The following GLT1D1 variants were observed in gnomAD, a reference collection of about 807,000 sequenced individuals.
GLT1D1 encodes the protein glycosyltransferase 1 domain-containing protein 1.
A neutral mutation model predicts 28.7 loss-of-function variants in GLT1D1; 21 were observed. The observed-to-expected ratio is 0.73, with a 90% CI of 0.52 to 1.05. The LOEUF (loss-of-function observed/expected upper bound fraction) is 1.05. Among genes scored for constraint, GLT1D1 ranks in the 50% least tolerant of loss-of-function variants. GLT1D1 has a pLI of 0.00. For missense variants in GLT1D1, 343 were observed against 330.6 expected (o/e 1.04, Z -0.29); for synonymous variants, 147 against 124.8 (o/e 1.18, Z -1.19).
intron 7 of GLT1D1, among the ~76,000 whole-genome samples, chr12:128,959,421 C>CGGGG (rs1331322937): frequency 6.0e-4 from 6 of 9,946 alleles, no homozygotes; most frequent in East Asian, 6.4e-3. Flanking sequence ...TGGGGGGGGA[C>CGGGG]GGGTGGGGAG....
At chr12:128,943,813 T>A (rs1409220686) in intron 4 of GLT1D1, among the ~76,000 whole-genome samples, 1 of 152,262 alleles carries the variant, frequency 6.6e-6, no homozygotes, top group Non-Finnish European at 1.5e-5. Flanking sequence ...TTTTATATAG[T>A]GTCTCCCCAT....
intron 7 of GLT1D1, among the ~76,000 whole-genome samples, chr12:128,972,205 G>A (rs1362311749): frequency 1.3e-5 from 2 of 152,210 alleles, no homozygotes; most frequent in Non-Finnish European, 2.9e-5. Flanking sequence ...AGCATTGGGA[G>A]ACATTATTTC....
rs11341281 is a variant in GLT1D1 at position 128,907,303 on chromosome 12, C to CT, written c.375+8036dup. Among the ~76,000 whole-genome samples, 861 of 115,728 alleles carry CT rather than the reference C, an allele frequency of 7.4e-3. 12 individuals carry two copies. Among genetic ancestry groups the CT allele is most frequent in the East Asian group, 0.027 (104 of 3,820 alleles). 75.9% of individuals were successfully genotyped at this position (115,728 alleles called of 152,430 possible). A position where few individuals can be genotyped will look rare whatever the true frequency, so the allele number is the denominator to read the frequency against. ...ATTGATCATGTCCCAGGAAGCTAAT[C>CT]TTTTTTTTTTTTTTTTTTTTGAGAC... On this transcript the variant is annotated intron_variant, in intron 4 of 7. Transcript: ENST00000281703.
At chr12:128,965,634 G>T (rs1181124992) in intron 7 of GLT1D1, among the ~76,000 whole-genome samples, 1 of 147,828 alleles carries the variant, frequency 6.8e-6, no homozygotes, top group African/African-American at 2.5e-5. Context: ...CACTTTGGAA[G>T]GCTAAGGCAA....
chr12:128,855,842 C>T (rs1593036780), intron 1 of GLT1D1, among the ~76,000 whole-genome samples: 2 of 150,714 alleles, frequency 1.3e-5, no homozygotes, highest in East Asian at 3.9e-4. Flanking sequence ...AACCTCTGCC[C>T]CCCGGTTCCA....
intron 7 of GLT1D1, among the ~76,000 whole-genome samples, chr12:128,959,828 G>A (rs987761216): frequency 2.6e-5 from 4 of 151,380 alleles, no homozygotes; most frequent in African/African-American, 9.8e-5. Flanking sequence ...AGTGTTCTGG[G>A]ATTTTTTTTT....
intron 3 of GLT1D1, among the ~76,000 whole-genome samples, chr12:128,890,242 G>A (rs996326107): frequency 8.5e-5 from 13 of 152,202 alleles, no homozygotes; most frequent in Admixed American, 6.5e-5. Flanking sequence ...TGTAAAACAC[G>A]CCTTCTCTGC....
chr12:128,922,730 C>T (rs1010501839), intron 4 of GLT1D1, among the ~76,000 whole-genome samples: 4 of 152,060 alleles, frequency 2.6e-5, no homozygotes, highest in African/African-American at 7.2e-5. Flanking sequence ...TGAGCCCAGC[C>T]TGGCCAACAT....
chr12:128,858,919 C>T (rs1956292656), intron 1 of GLT1D1, among the ~76,000 whole-genome samples: 1 of 152,172 alleles, frequency 6.6e-6, no homozygotes. Flanking sequence ...AACCAATTGT[C>T]AGCCAGAAAA....
chr12:128,884,770 C>T (rs618382), intron 2 of GLT1D1, among the ~76,000 whole-genome samples: 2,154 of 152,166 alleles, frequency 0.014, 60 homozygotes, highest in African/African-American at 0.05. Flanking sequence ...GCCAAGATAG[C>T]ACCGCTGCAC....
At chr12:128,942,452 T>C (rs11837760) in intron 4 of GLT1D1, among the ~76,000 whole-genome samples, 17,026 of 152,082 alleles carry the variant, frequency 0.11, 2,570 homozygotes, top group African/African-American at 0.35. Flanking sequence ...AAAAGGAAAA[T>C]AAATTTTTTT....
At chr12:128,878,856 C>A (rs1201440690) in intron 2 of GLT1D1, among the ~76,000 whole-genome samples, 1 of 152,132 alleles carries the variant, frequency 6.6e-6, no homozygotes, top group East Asian at 1.9e-4. Context: ...CTCAACCAAT[C>A]CACCCACCTT....
At chr12:128,902,353 C>T (rs1278472349) in intron 4 of GLT1D1, among the ~76,000 whole-genome samples, 4 of 150,926 alleles carry the variant, frequency 2.7e-5, no homozygotes, top group Non-Finnish European at 4.4e-5. Flanking sequence ...CATGGTGGTG[C>T]GTGCCTGTAA....
intron 1 of GLT1D1, chr12:128,864,101 A>G (rs1175874321): frequency 3.0e-6 from 2 of 656,592 alleles, no homozygotes; most frequent in Non-Finnish European, 5.5e-6. Flanking sequence ...CTGCACGTGG[A>G]ATGCTGGCTG....
chr12:128,918,224 C>T (rs572449348), intron 4 of GLT1D1, among the ~76,000 whole-genome samples: 9 of 152,230 alleles, frequency 5.9e-5, no homozygotes, highest in Admixed American at 2.6e-4. Context: ...AACCAAACAC[C>T]GCATGTTCTC....
At chr12:128,962,376 T>C (rs470643) in intron 7 of GLT1D1, among the ~76,000 whole-genome samples, 63,425 of 152,172 alleles carry the variant, frequency 0.42, 13,579 homozygotes, top group Admixed American at 0.54. Context: ...AGGACTAAGA[T>C]ATCAGCAATG....
intron 2 of GLT1D1, among the ~76,000 whole-genome samples, chr12:128,888,094 G>A (rs896505723): frequency 2.0e-5 from 3 of 152,146 alleles, no homozygotes; most frequent in African/African-American, 4.8e-5. Flanking sequence ...CACTTTATGC[G>A]CTCAGCATCT....
chr12:128,902,732 G>A lies in GLT1D1; in HGVS notation c.375+3445G>A, dbSNP rs571281837. On this transcript the variant is annotated intron_variant, in intron 4 of 7. Coordinates refer to ENST00000281703, the MANE Select transcript of GLT1D1 (RefSeq NM_144669.3). ...ACAGCAAACGTGGGAACCCAACTGT[G>A]TTGGTTAAGACAGACATTAAAGAAA... is the stretch of plus-strand genomic sequence containing the variant. 9.0e-4 allele frequency among the ~76,000 whole-genome samples: 137 copies of A among 151,610 alleles called. 3 individuals carry two copies. The highest frequency in any genetic ancestry group is 3.3e-3 in the African/African-American group (136 of 41,094).
intron 7 of GLT1D1, among the ~76,000 whole-genome samples, chr12:128,968,296 C>T (rs959855165): frequency 6.6e-6 from 1 of 151,594 alleles, no homozygotes; most frequent in African/African-American, 2.4e-5. Flanking sequence ...CGCCCGGTCA[C>T]TTATGTGGAT....
Sources: gnomAD v4.1 joint callset for allele counts (sites outside exome capture counted in the v4.1 genomes callset) on GRCh38, gnomAD v4.1.1 for gene constraint, MANE v1.5 for transcripts, NCBI Gene and HGNC (gene_info 2026-07-23, HGNC 2026-07-21) for gene names.